Variants in GABRA4 observed in about 807,000 individuals in gnomAD.
GABRA4 encodes gamma-aminobutyric acid type A receptor subunit alpha4.
Under a neutral mutation model 49.7 loss-of-function variants are expected in GABRA4, and 12 were observed. The ratio of observed to expected loss-of-function variants is 0.24; its 90% CI spans 0.15 to 0.39. The LOEUF (loss-of-function observed/expected upper bound fraction) is 0.39, where lower values mean the gene tolerates loss of function less well. Ranked by LOEUF, GABRA4 falls within the 10% of genes least tolerant of loss-of-function variation. The pLI, the probability that GABRA4 is intolerant of heterozygous loss-of-function variation, is 1.00. For missense variants in GABRA4, 506 were observed against 686.0 expected, an observed-to-expected ratio of 0.74 and a Z score of 2.93; for synonymous variants, 288 against 240.2, an observed-to-expected ratio of 1.20 and a Z score of -1.84.
At chr4:46,968,139 G>T (rs986023776) in intron 7 of GABRA4, among the ~76,000 whole-genome samples, 4 of 151,372 alleles carry the variant, frequency 2.6e-5, no homozygotes, top group African/African-American at 7.3e-5. Context: ...AAAAAAATTT[G>T]CCCAGAATTA....
chr4:46,958,913 G>A (rs1722463490), intron 8 of GABRA4, among the ~76,000 whole-genome samples: 1 of 151,886 alleles, frequency 6.6e-6, no homozygotes, highest in Non-Finnish European at 1.5e-5. Flanking sequence ...AATTCAAAGT[G>A]AGGAGTTCAA....
Position 46,993,430 on chromosome 4 carries a change from C to T in GABRA4, c.-6G>A. The T allele has an allele frequency of 6.2e-7, 1 of 1,614,120 alleles. No homozygotes were observed. The highest frequency in any genetic ancestry group is 8.5e-7 in the Non-Finnish European group (1 of 1,179,962). The stretch of plus-strand genomic sequence containing the variant: ...ACCTTCTTGGCAGAAACCATCTTTG[C>T]AACATGCCATACTTCAAGCCTGTTC... On this transcript the variant is annotated 5_prime_UTR_variant, in exon 1 of 9. Transcript: ENST00000264318.
chr4:46,940,060 C>T (rs942785271), intron 8 of GABRA4, among the ~76,000 whole-genome samples: 1 of 151,986 alleles, frequency 6.6e-6, no homozygotes, highest in Non-Finnish European at 1.5e-5. Flanking sequence ...TAATTGAAGA[C>T]ACTTTCCCTG....
chr4:46,980,356 G>C (rs1238558999), intron 2 of GABRA4, among the ~76,000 whole-genome samples: 1 of 141,224 alleles, frequency 7.1e-6, no homozygotes, highest in Non-Finnish European at 1.5e-5. Context: ...TTCTTGCTTG[G>C]GAAATGCGAT....
chr4:46,977,326 G>GAGGA lies in GABRA4; in HGVS notation c.494+80_494+83dup, dbSNP rs993736755. ...GGAGGAAGGGAGGGAGGAAGGGAGG[G>GAGGA]AGGAAGGAAGGAAGGAAGGAAGAAA... is the stretch of plus-strand genomic sequence containing the variant. On this transcript the variant is annotated intron_variant, in intron 4 of 8. Coordinates refer to ENST00000264318, the MANE Select transcript of GABRA4 (RefSeq NM_000809.4). 230 of 711,716 alleles carry GAGGA rather than the reference G, an allele frequency of 3.2e-4. 3 individuals are homozygous for GAGGA. The highest frequency in any genetic ancestry group is 7.0e-4 in the African/African-American group (35 of 50,316). 44.1% of individuals were successfully genotyped at this position (711,716 alleles called of 1,614,324 possible).
intron 8 of GABRA4, among the ~76,000 whole-genome samples, chr4:46,931,896 G>A (rs1164239867): frequency 6.6e-6 from 1 of 152,160 alleles, no homozygotes; most frequent in South Asian, 2.1e-4. Context: ...GAGAAAATGA[G>A]CTGCCCGAGC....
intron 7 of GABRA4, among the ~76,000 whole-genome samples, chr4:46,966,033 T>C (rs2055942): frequency 0.24 from 35,390 of 150,086 alleles, 4,345 homozygotes; most frequent in East Asian, 0.32. Context: ...CGCTTTCTCC[T>C]TAGCTTGGAA....
chr4:46,952,725 T>C (rs1577763447), intron 8 of GABRA4, among the ~76,000 whole-genome samples: 1 of 152,232 alleles, frequency 6.6e-6, no homozygotes, highest in African/African-American at 2.4e-5. Context: ...GTGGAAAATA[T>C]AACTAAATGT....
Position 46,922,655 on chromosome 4 carries a change from G to A in GABRA4, c.*5570C>T, listed in dbSNP as rs968454795. ...TAAAGCAATGGTAAAAATAGAGAAA[G>A]AGAAGAAAAATGAAATGACAGTGAC... is the stretch of plus-strand genomic sequence containing the variant. On this transcript the variant is annotated 3_prime_UTR_variant, in exon 9 of 9. Transcript: ENST00000264318. The A allele has an allele frequency of 6.6e-6, 1 of 151,984 alleles. No homozygotes were observed. Among genetic ancestry groups the A allele is most frequent in the African/African-American group, 2.4e-5 (1 of 41,376 alleles). The allele number at this position is 151,984 out of a possible 1,614,324, so 9.4% of individuals were successfully genotyped here.
Position 46,925,759 on chromosome 4 carries a change from TCA to T in GABRA4, c.*2464_*2465del, listed in dbSNP as rs1414000994. 3 of 50,744 alleles carry T rather than the reference TCA, an allele frequency of 5.9e-5. No individual in the cohort carries two copies. Among genetic ancestry groups the T allele is most frequent in the African/African-American group, 1.7e-4 (3 of 17,706 alleles). The allele number at this position is 50,744 out of a possible 1,614,324, so 3.1% of individuals were successfully genotyped here. On this transcript the variant is annotated 3_prime_UTR_variant, in exon 9 of 9. Transcript: ENST00000264318. ...ATTATTATTATTATTATTATTATTA[TCA>T]TCATTATTATCATTGTGTGCAAATG...
At chr4:46,987,619 A>C (rs958869335) in intron 2 of GABRA4, among the ~76,000 whole-genome samples, 8 of 152,000 alleles carry the variant, frequency 5.3e-5, no homozygotes, top group African/African-American at 1.9e-4. Flanking sequence ...ATATCAAGTC[A>C]ATCGCCAATT....
chr4:46,966,562 G>C (rs1722759390), intron 7 of GABRA4, among the ~76,000 whole-genome samples: 1 of 151,672 alleles, frequency 6.6e-6, no homozygotes, highest in Admixed American at 6.6e-5. Flanking sequence ...GTCTTCTTGA[G>C]GGTAGACAAG....
At chr4:46,928,851 C>T (rs1721333304) in intron 8 of GABRA4, 96 bp from the exon 9 acceptor site, 2 of 796,620 alleles carry the variant, frequency 2.5e-6, no homozygotes, top group Non-Finnish European at 3.9e-6. Flanking sequence ...TAGTCATTTC[C>T]ATAAAATAAA....
chr4:46,985,526 C>G (rs186893022), intron 2 of GABRA4, among the ~76,000 whole-genome samples: 1 of 152,112 alleles, frequency 6.6e-6, no homozygotes, highest in East Asian at 1.9e-4. Context: ...GTAACTGTGG[C>G]TTATAGAATA....
chr4:46,953,760 A>G, intron 8 of GABRA4, among the ~76,000 whole-genome samples: 1 of 152,152 alleles, frequency 6.6e-6, no homozygotes, highest in East Asian at 1.9e-4. Flanking sequence ...TAGAGTTTCA[A>G]AGTATGGCTT....
At chr4:46,931,441 T>C (rs1241551812) in intron 8 of GABRA4, among the ~76,000 whole-genome samples, 4 of 152,112 alleles carry the variant, frequency 2.6e-5, no homozygotes, top group Non-Finnish European at 5.9e-5. Context: ...AGTTCTTTCG[T>C]TCTAGACCAG....
intron 2 of GABRA4, among the ~76,000 whole-genome samples, chr4:46,983,078 T>C (rs927628073): frequency 6.6e-6 from 1 of 152,088 alleles, no homozygotes; most frequent in Non-Finnish European, 1.5e-5. Context: ...CTCATGAGAA[T>C]GTTATGGATC....
At chr4:46,983,340 A>G (rs1261201794) in intron 2 of GABRA4, among the ~76,000 whole-genome samples, 1 of 152,048 alleles carries the variant, frequency 6.6e-6, no homozygotes, top group African/African-American at 2.4e-5. Context: ...TATTATTCTT[A>G]TTACAGCATA....
intron 2 of GABRA4, 76 bp downstream of exon 2, chr4:46,992,752 T>C: frequency 9.6e-7 from 1 of 1,043,406 alleles, no homozygotes; most frequent in South Asian, 1.3e-5. Context: ...CCTAATGATA[T>C]TCCCACAGAC....
Sources: allele counts gnomAD v4.1 joint callset (sites outside exome capture counted in the v4.1 genomes callset), GRCh38; gene constraint gnomAD v4.1.1; transcripts MANE v1.5; gene names NCBI Gene and HGNC (gene_info 2026-07-23, HGNC 2026-07-21).